POLG: variants seen among roughly 807,000 people sequenced by gnomAD.
The protein encoded by POLG is DNA polymerase subunit gamma-1.
POLG carries 110 observed loss-of-function variants against 155.4 expected under a neutral mutation model. The ratio of observed to expected loss-of-function variants is 0.71; its 90% confidence interval spans 0.61 to 0.83. The LOEUF (loss-of-function observed/expected upper bound fraction) is 0.83, where lower values mean the gene tolerates loss of function less well. POLG is among the 40% of genes least tolerant of loss of function. The probability of loss-of-function intolerance (pLI) is 0.00; values close to 1 mark genes in which losing one functional copy is unlikely to be tolerated. For missense variants in POLG, 1,685 were observed against 1,627.5 expected, an observed-to-expected ratio of 1.04 and a Z score of -0.61; for synonymous variants, 701 against 631.5, an observed-to-expected ratio of 1.11 and a Z score of -1.65.
intron 18 of POLG, among the ~76,000 whole-genome samples, chr15:89,320,281 C>A (rs956231409): frequency 6.6e-6 from 1 of 152,194 alleles, no homozygotes; most frequent in East Asian, 1.9e-4. Context: ...CCTGAGCACA[C>A]AGTATGCAGT....
rs1567189114 is a variant in POLG, at chr15:89,325,071, AGTGAGT to A, written c.1949+373_1949+378del. Among the ~76,000 whole-genome samples the A allele has an allele frequency of 7.3e-4, 78 of 106,674 alleles. 10 individuals are homozygous for A. The highest frequency in any genetic ancestry group is 3.1e-3 in the African/African-American group (75 of 24,346). 70.0% of individuals were successfully genotyped at this position (106,674 alleles called of 152,430 possible). A position where few individuals can be genotyped will look rare whatever the true frequency, so the allele number is the denominator to read the frequency against. ...GAGTGAGTGAGAGAGTGAGTGAGTG[AGTGAGT>A]GAGTGAGAGAGTGAGTGAGTGAGAG... On this transcript the variant is annotated intron_variant, in intron 10 of 22. Transcript: ENST00000268124.
Position 89,316,374 on chromosome 15 carries a change from G to C in POLG, c.*377C>G. 4.4e-6 allele frequency: 7 copies of C among 1,605,604 alleles called. No individual in the cohort carries two copies. The highest frequency in any genetic ancestry group is 6.0e-6 in the Non-Finnish European group (7 of 1,174,826). The stretch of plus-strand genomic sequence containing the variant: ...CTTGGAGCAGGTTTATCACGTTAGA[G>C]CATTAATTCTTTCCCCTTCTAGGGC... On this transcript the variant is annotated 3_prime_UTR_variant, in exon 23 of 23. Transcript: ENST00000268124.
intron 21 of POLG, 187 bp from the exon 22 acceptor site, chr15:89,317,723 A>C (rs1364827214): frequency 8.0e-6 from 5 of 624,966 alleles, no homozygotes; most frequent in Non-Finnish European, 1.4e-5. Context: ...CTAACCTCCC[A>C]CTGAGATACT....
intron 3 of POLG, 78 bp from the exon 4 acceptor site, chr15:89,329,188 G>A (rs2055563603): frequency 3.9e-6 from 5 of 1,287,948 alleles, no homozygotes; most frequent in East Asian, 2.5e-5. Context: ...GCTTGGTGGT[G>A]TGGACCTCCA....
intron 6 of POLG, among the ~76,000 whole-genome samples, chr15:89,328,235 T>A (rs935292180): frequency 2.0e-5 from 3 of 152,196 alleles, no homozygotes; most frequent in Non-Finnish European, 4.4e-5. Flanking sequence ...ACCGTGCACA[T>A]GACACACAAG....
intron 6 of POLG, 70 bp downstream of exon 6, chr15:89,328,386 C>G (rs1414178176): frequency 2.4e-6 from 3 of 1,238,608 alleles, no homozygotes; most frequent in South Asian, 1.2e-5. Context: ...CCAGCGCCAC[C>G]TGATTACAGT....
rs755553960 is a variant in POLG, at chr15:89,333,631, G to C, written c.124C>G (p.Arg42Gly). 1 of 1,594,256 alleles carries C rather than the reference G, an allele frequency of 6.3e-7. No homozygotes were observed. Among genetic ancestry groups the C allele is most frequent in the Non-Finnish European group, 8.5e-7 (1 of 1,173,664 alleles). ...TGCTGCTGCTGCTGCTGCTGCTGCCGCCGCCGCTGCCCGTCGCTGGGGTCG... is the reference window on the plus strand; with the variant it reads ...TGCTGCTGCTGCTGCTGCTGCTGCCCCCGCCGCTGCCCGTCGCTGGGGTCG... The part of the protein sequence containing the change: ...ASDPSDGQRR[R>G]QQQQQQQQQQ... Residue 42 changes from arginine (R) to glycine (G), a missense_variant, in exon 2 of 23, where the codon CGG (arginine) becomes GGG (glycine). By Grantham distance (125) the Arg-to-Gly change is moderately radical. Coordinates refer to ENST00000268124, the MANE Select transcript of POLG (RefSeq NM_002693.3).
chr15:89,317,611 C>G, intron 21 of POLG, 75 bp from the exon 22 acceptor site: 1 of 1,429,758 alleles, frequency 7.0e-7, no homozygotes, highest in African/African-American at 1.4e-5. Context: ...AGCAATGACC[C>G]CACACCCCTT....
intron 2 of POLG, among the ~76,000 whole-genome samples, chr15:89,332,603 G>C (rs1180446807): frequency 6.7e-6 from 1 of 148,516 alleles, no homozygotes; most frequent in African/African-American, 2.5e-5. Context: ...TGCCGGCGGG[G>C]GCAGGGGGGC....
At chr15:89,319,124 G>A (rs2055356063) in intron 19 of POLG, 25 bp from the exon 20 acceptor site, 6 of 1,614,176 alleles carry the variant, frequency 3.7e-6, no homozygotes, top group Non-Finnish European at 4.2e-6. Context: ...ACAGAGGGCA[G>A]ACTTTGTCTT....
rs754573704 is a variant in POLG at position 89,316,403 on chromosome 15, G to A, written c.*348C>T. 1 of 1,611,684 alleles carries A rather than the reference G, an allele frequency of 6.2e-7. No individual in the cohort carries two copies. The highest frequency in any genetic ancestry group is 8.5e-7 in the Non-Finnish European group (1 of 1,178,606). ...TAATTCTTTCCCCTTCTAGGGCACTGCATCAGAGCATGGGGGACAGAACAA... is the reference window on the plus strand; with the variant it reads ...TAATTCTTTCCCCTTCTAGGGCACTACATCAGAGCATGGGGGACAGAACAA... On this transcript the variant is annotated 3_prime_UTR_variant, in exon 23 of 23. Coordinates refer to ENST00000268124, the MANE Select transcript of POLG (RefSeq NM_002693.3).
At chr15:89,330,731 C>CAA (rs746090028) in intron 2 of POLG, among the ~76,000 whole-genome samples, 8 of 117,932 alleles carry the variant, frequency 6.8e-5, no homozygotes, top group African/African-American at 2.3e-4. Context: ...ATTGAATTGG[C>CAA]AAAAAAAAAA....
chr15:89,327,422 T>C, intron 6 of POLG, 73 bp from the exon 7 acceptor site: 1 of 1,436,730 alleles, frequency 7.0e-7, no homozygotes, highest in East Asian at 2.3e-5. Context: ...TGAGCTGGTT[T>C]AGCAAGCCTC....
chr15:89,321,200 C>A lies in POLG; in HGVS notation c.2659G>T (p.Val887Leu), dbSNP rs2055390839. Residue 887 changes from valine (V) to leucine (L), a missense_variant, in exon 17 of 23, where the codon GTG becomes TTG. This residue lies in a region of POLG where 1,210 missense variants were observed against 1,167.1 expected (regional missense o/e 1.04). Coordinates refer to ENST00000268124, the MANE Select transcript of POLG (RefSeq NM_002693.3). ...MVQAPPGYTL[V>L]GADVDSQELW... ...TCTTGGGAGTCCACATCAGCACCCA[C>A]AAGGGTGTAGCCAGGTGGGGCCTGC... 1 of 1,614,114 alleles carries A rather than the reference C, an allele frequency of 6.2e-7. No homozygotes were observed. Among genetic ancestry groups the A allele is most frequent in the Admixed American group, 1.7e-5 (1 of 60,012 alleles).
Position 89,325,553 on chromosome 15 carries a change from C to T in POLG, c.1846G>A (p.Glu616Lys). 1 of 1,613,598 alleles carries T rather than the reference C, an allele frequency of 6.2e-7. No homozygotes were observed. Among genetic ancestry groups the T allele is most frequent in the Non-Finnish European group, 8.5e-7 (1 of 1,180,016 alleles). ...TWDGFPLHYS[E>K]RHGWGYLVPG... Reference sequence around the variant, plus strand: ...ACCAAGTAGCCCCAGCCATGACGCTCTGAGTAGTGCAGAGGGAAGCCATCC... The same window carrying T: ...ACCAAGTAGCCCCAGCCATGACGCTTTGAGTAGTGCAGAGGGAAGCCATCC... Residue 616 changes from glutamate (E) to lysine (K), a missense_variant, in exon 10 of 23, where the codon GAG (glutamate) becomes AAG (lysine). By Grantham distance (56) the Glu-to-Lys change is moderately conservative. Transcript: ENST00000268124.
intron 6 of POLG, among the ~76,000 whole-genome samples, chr15:89,327,584 A>C (rs1288823425): frequency 2.6e-5 from 4 of 152,206 alleles, no homozygotes. Context: ...CCTCAGGGGT[A>C]ATGTGGGAAA....
Position 89,325,223 on chromosome 15 carries a change from A to AGAGTGAGTGAGTGAGTGAGT in POLG, c.1949+226_1949+227insACTCACTCACTCACTCACTC, listed in dbSNP as rs1555453361. On this transcript the variant is annotated intron_variant, in intron 10 of 22. Coordinates refer to ENST00000268124, the MANE Select transcript of POLG (RefSeq NM_002693.3). ...GTGAGTGAGAGAGTGAGTGAGTGAG[A>AGAGTGAGTGAGTGAGTGAGT]GAGTGAGTGAGAGAGTGAGTGAGTG... is the stretch of plus-strand genomic sequence containing the variant. 5.2e-5 allele frequency among the ~76,000 whole-genome samples: 2 copies of AGAGTGAGTGAGTGAGTGAGT among 38,648 alleles called. 1 individual carries two copies. Among genetic ancestry groups the AGAGTGAGTGAGTGAGTGAGT allele is most frequent in the African/African-American group, 2.6e-4 (2 of 7,714 alleles). The allele number at this position is 38,648 out of a possible 152,430, so 25.4% of individuals were successfully genotyped here. A position where few individuals can be genotyped will look rare whatever the true frequency, so the allele number is the denominator to read the frequency against.
rs747214857 is a variant in POLG at position 89,323,871 on chromosome 15, C to G, written c.2101G>C (p.Ala701Pro). 6.2e-7 allele frequency: 1 copy of G among 1,614,082 alleles called. No individual in the cohort carries two copies. Among genetic ancestry groups the G allele is most frequent in the Non-Finnish European group, 8.5e-7 (1 of 1,179,926 alleles). Reference protein sequence around the residue: ...VEELDYLEVEAEAKMENLRAA... With the variant: ...VEELDYLEVEPEAKMENLRAA... ...CGCAAGTTCTCCATCTTGGCCTCAG[C>G]CTCCACTTCTAAGTAATCCAGTTCT... Residue 701 changes from alanine to proline, a missense_variant, in exon 12 of 23, where the codon GCT becomes CCT. By Grantham distance (27) the Ala-to-Pro change is conservative (BLOSUM62 -1). Around this residue, in one of 3 missense-constraint regions of POLG, gnomAD observed 1,210 missense variants for 1,167.1 expected, o/e 1.04. Coordinates refer to ENST00000268124, the MANE Select transcript of POLG (RefSeq NM_002693.3).
chr15:89,316,843 A>T lies in POLG; in HGVS notation c.3644-16T>A, dbSNP rs536522307. The T allele has an allele frequency of 3.8e-6, 6 of 1,598,480 alleles. No individual in the cohort carries two copies. In the South Asian group the frequency reaches 5.5e-5, roughly 15 times the overall value. ...AGCGCTTCACCTGAAAGATAGTGCA[A>T]ATTGGTTAGGATGCCACCTCAAGAA... On this transcript the variant is annotated splice_polypyrimidine_tract_variant and intron_variant, in intron 22 of 22. Coordinates refer to ENST00000268124, the MANE Select transcript of POLG (RefSeq NM_002693.3).
Sources: allele counts gnomAD v4.1 joint callset (sites outside exome capture counted in the v4.1 genomes callset), GRCh38; gene constraint gnomAD v4.1.1; regional missense constraint gnomAD v4.1.1; transcripts MANE v1.5; gene names NCBI Gene and HGNC (gene_info 2026-07-23, HGNC 2026-07-21).